KMT2E: variants seen among roughly 807,000 people sequenced by gnomAD.
The protein encoded by KMT2E is lysine methyltransferase 2E (inactive).
Under a neutral mutation model 184.6 loss-of-function variants are expected in KMT2E, and 30 were observed. The observed-to-expected ratio is 0.16, with a 90% CI of 0.12 to 0.22. The LOEUF (loss-of-function observed/expected upper bound fraction) is 0.22, where lower values mean the gene tolerates loss of function less well. Among genes scored for constraint, KMT2E ranks in the 10% least tolerant of loss-of-function variants. The pLI, the probability that KMT2E is intolerant of heterozygous loss-of-function variation, is 1.00. For synonymous variants in KMT2E, 815 were observed against 776.5 expected (o/e 1.05, Z -0.82); for missense variants, 2,023 against 2,237.4 (o/e 0.90, Z 1.93).
intron 1 of KMT2E, among the ~76,000 whole-genome samples, chr7:105,016,653 G>C (rs1192432269): frequency 6.6e-6 from 1 of 152,186 alleles, no homozygotes; most frequent in Non-Finnish European, 1.5e-5. Flanking sequence ...GAACTAAGCA[G>C]TGAGATGTGA....
chr7:105,096,244 G>T (rs1297154757), intron 15 of KMT2E, among the ~76,000 whole-genome samples: 1 of 95,450 alleles, frequency 1.0e-5, no homozygotes, highest in Non-Finnish European at 2.0e-5. Context: ...ACAGTGAAAG[G>T]CTCAAAAAAA....
intron 9 of KMT2E, 47 bp downstream of exon 9, chr7:105,076,128 A>C: frequency 7.7e-7 from 1 of 1,292,188 alleles, no homozygotes; most frequent in Non-Finnish European, 1.1e-6. Context: ...TCATTTATTC[A>C]GGAGCTACAT....
intron 3 of KMT2E, among the ~76,000 whole-genome samples, chr7:105,053,916 G>A (rs1472928926): frequency 1.3e-5 from 2 of 152,180 alleles, no homozygotes; most frequent in Admixed American, 6.5e-5. Context: ...GCACATGCCT[G>A]TAATCTCAGC....
At chr7:105,097,253 C>G (rs1798447598) in intron 15 of KMT2E, among the ~76,000 whole-genome samples, 1 of 152,174 alleles carries the variant, frequency 6.6e-6, no homozygotes, top group African/African-American at 2.4e-5. Flanking sequence ...ATCCAACTCC[C>G]TGTTCTGTCC....
chr7:105,071,120 C>T (rs894310126), intron 6 of KMT2E, among the ~76,000 whole-genome samples: 1 of 152,058 alleles, frequency 6.6e-6, no homozygotes. Flanking sequence ...TTTCTTTTCT[C>T]TTAAAAATAT....
Position 105,101,592 on chromosome 7 carries a change from ATTAT to A in KMT2E, c.1887+9_1887+12del, listed in dbSNP as rs1270111698. The A allele has an allele frequency of 5.2e-6, 8 of 1,530,476 alleles. No homozygotes were observed. Among genetic ancestry groups the A allele is most frequent in the Non-Finnish European group, 7.0e-6 (8 of 1,147,574 alleles). The allele number at this position is 1,530,476 out of a possible 1,614,324, so 94.8% of individuals were successfully genotyped here. A position where few individuals can be genotyped will look rare whatever the true frequency, so the allele number is the denominator to read the frequency against. On this transcript the variant is annotated splice_donor_5th_base_variant and intron_variant, in intron 16 of 26. Transcript: ENST00000311117. ...TCAGTGATGCTGAAGTTATTCAGGT[ATTAT>A]TTATTCAGGTCGTTTTATTTTCTTA...
intron 6 of KMT2E, among the ~76,000 whole-genome samples, chr7:105,071,899 C>T (rs941243322): frequency 1.3e-5 from 2 of 152,052 alleles, no homozygotes; most frequent in African/African-American, 4.8e-5. Flanking sequence ...GTGCATTTCT[C>T]TTACTTTGAG....
intron 13 of KMT2E, among the ~76,000 whole-genome samples, chr7:105,084,396 C>A (rs528881825): frequency 6.6e-6 from 1 of 152,078 alleles, no homozygotes; most frequent in Admixed American, 6.5e-5. Context: ...GAGGCCAAGG[C>A]GGGCGGATTA....
chr7:105,021,777 G>T (rs1043857311), intron 1 of KMT2E, among the ~76,000 whole-genome samples: 2 of 152,046 alleles, frequency 1.3e-5, no homozygotes, highest in African/African-American at 4.8e-5. Flanking sequence ...GTACTTGGGA[G>T]GGCTTCCAAA....
At chr7:105,102,326 CTAAGAA>C (rs1249480180) in intron 17 of KMT2E, 132 bp downstream of exon 17, 3 of 641,200 alleles carry the variant, frequency 4.7e-6, no homozygotes, top group South Asian at 2.6e-5. Context: ...GATTTTAAAA[CTAAGAA>C]TGAGAATTCC....
At chr7:105,072,523 A>G (rs1797365005) in intron 6 of KMT2E, among the ~76,000 whole-genome samples, 1 of 152,224 alleles carries the variant, frequency 6.6e-6, no homozygotes, top group South Asian at 2.1e-4. Flanking sequence ...ATAATATGTT[A>G]TCTGACCTCT....
At chr7:105,044,208 A>G (rs192955456) in intron 3 of KMT2E, among the ~76,000 whole-genome samples, 6 of 152,222 alleles carry the variant, frequency 3.9e-5, no homozygotes, top group African/African-American at 1.4e-4. Context: ...GACTACCAGA[A>G]TTTAGGCTTT....
chr7:105,024,409 C>T (rs1359697337), intron 1 of KMT2E, among the ~76,000 whole-genome samples: 4 of 152,126 alleles, frequency 2.6e-5, no homozygotes, highest in African/African-American at 7.2e-5. Flanking sequence ...GATTTTCTTT[C>T]AGGCCAGAAC....
chr7:105,039,173 A>G (rs1795785242), intron 2 of KMT2E: 1 of 152,258 alleles, frequency 6.6e-6, no homozygotes, highest in Admixed American at 6.5e-5. Context: ...TGTCCCAGGC[A>G]CTGTGCAGTT....
At position 105,105,921 on chromosome 7, in the gene KMT2E, C is replaced by G. The variant is rs1179601208; in HGVS notation, c.2514C>G (p.Pro838=). 26 of 1,613,490 alleles carry G rather than the reference C, an allele frequency of 1.6e-5. No individual in the cohort carries two copies. The highest frequency in any genetic ancestry group is 1.9e-5 in the Non-Finnish European group (23 of 1,179,682). The part of the protein sequence containing the change: ...NSAILHRFNS[P]CQERSRSPAV... ...CAATTTTACATAGATTTAATTCACC[C>G]TGTCAAGAAAGATCCAGAAGTCCTG... Residue 838 remains proline (P), a synonymous_variant, in exon 19 of 27, where the codon CCC becomes CCG. Coordinates refer to ENST00000311117, the MANE Select transcript of KMT2E (RefSeq NM_182931.3).
intron 1 of KMT2E, among the ~76,000 whole-genome samples, chr7:105,015,024 A>G (rs1420540357): frequency 1.3e-5 from 2 of 152,052 alleles, no homozygotes; most frequent in East Asian, 1.9e-4. Context: ...CATGAATACG[A>G]AGGGGGTAAG....
intron 5 of KMT2E, among the ~76,000 whole-genome samples, chr7:105,066,239 A>G (rs1797023182): frequency 6.6e-6 from 1 of 152,102 alleles, no homozygotes; most frequent in African/African-American, 2.4e-5. Context: ...CATTAATCCA[A>G]TTTTAACCTC....
intron 5 of KMT2E, among the ~76,000 whole-genome samples, chr7:105,065,312 A>G (rs1257391395): frequency 6.6e-6 from 1 of 152,124 alleles, no homozygotes; most frequent in Non-Finnish European, 1.5e-5. Flanking sequence ...TACTTGCCCC[A>G]CAAATTTAGT....
chr7:105,015,990 T>C (rs1440005031), intron 1 of KMT2E, among the ~76,000 whole-genome samples: 1 of 152,152 alleles, frequency 6.6e-6, no homozygotes, highest in Non-Finnish European at 1.5e-5. Flanking sequence ...ATTATTTGGG[T>C]ACCAATAATA....
Sources: allele counts gnomAD v4.1 joint callset (sites outside exome capture counted in the v4.1 genomes callset), GRCh38; gene constraint gnomAD v4.1.1; transcripts MANE v1.5; gene names NCBI Gene and HGNC (gene_info 2026-07-23, HGNC 2026-07-21).